The following CCDC7 variants were observed in gnomAD, a reference collection of about 807,000 sequenced individuals.
CCDC7 encodes the protein coiled-coil domain-containing protein 7.
A neutral mutation model predicts 196.9 loss-of-function variants in CCDC7; 183 were observed. That is an observed-to-expected ratio of 0.93 (90% CI 0.82 to 1.05). The LOEUF (loss-of-function observed/expected upper bound fraction) is 1.05. Among genes scored for constraint, CCDC7 ranks in the 50% least tolerant of loss-of-function variants. The pLI is 0.00. For missense variants in CCDC7, 1,540 were observed against 1,482.2 expected, an observed-to-expected ratio of 1.04 and a Z score of -0.64; for synonymous variants, 525 against 484.6, an observed-to-expected ratio of 1.08 and a Z score of -1.10.
chr10:32,683,250 A>G (rs2076064278), intron 21 of CCDC7, among the ~76,000 whole-genome samples: 1 of 152,232 alleles, frequency 6.6e-6, no homozygotes, highest in Admixed American at 6.5e-5. Flanking sequence ...CTGAATAGAA[A>G]GTCCTTTCCC....
At chr10:32,638,049 G>A (rs1759668) in intron 20 of CCDC7, among the ~76,000 whole-genome samples, 140,423 of 152,166 alleles carry the variant, frequency 0.92, 65,802 homozygotes, top group East Asian at 1. Flanking sequence ...ATTGGTGTAT[G>A]AGAATGCTTG....
At chr10:32,618,962 C>G (rs1328900401) in intron 18 of CCDC7, among the ~76,000 whole-genome samples, 2 of 150,294 alleles carry the variant, frequency 1.3e-5, no homozygotes, top group African/African-American at 4.9e-5. Flanking sequence ...TTATTTTTAT[C>G]TGACTGGATT....
chr10:32,824,202 T>G (rs1245985022), intron 31 of CCDC7, among the ~76,000 whole-genome samples: 2 of 152,174 alleles, frequency 1.3e-5, no homozygotes, highest in African/African-American at 4.8e-5. Flanking sequence ...TAAATTTGCA[T>G]ATGAGATTGC....
At chr10:32,638,909 C>A (rs936049153) in intron 20 of CCDC7, among the ~76,000 whole-genome samples, 5 of 152,218 alleles carry the variant, frequency 3.3e-5, no homozygotes, top group Admixed American at 1.3e-4. Context: ...TATTTCAGAG[C>A]CTGTTATTGG....
At chr10:32,777,638 C>T (rs541445295) in intron 28 of CCDC7, among the ~76,000 whole-genome samples, 47 of 152,052 alleles carry the variant, frequency 3.1e-4, no homozygotes, top group African/African-American at 1.1e-3. Context: ...GGGTGGATCA[C>T]TTGAGATCAA....
chr10:32,621,736 G>A (rs560292053), intron 18 of CCDC7, among the ~76,000 whole-genome samples: 15 of 152,172 alleles, frequency 9.9e-5, no homozygotes, highest in Non-Finnish European at 1.9e-4. Context: ...CCAAGGGCAG[G>A]AGAAGATGGA....
chr10:32,840,562 A>G (rs573283453), intron 33 of CCDC7, among the ~76,000 whole-genome samples: 8 of 151,902 alleles, frequency 5.3e-5, no homozygotes, highest in Non-Finnish European at 1.0e-4. Flanking sequence ...TCACGGCTGT[A>G]CTATCTGACA....
intron 13 of CCDC7, among the ~76,000 whole-genome samples, chr10:32,552,684 G>A (rs116981264): frequency 0.016 from 2,473 of 152,234 alleles, 41 homozygotes; most frequent in Middle Eastern, 0.024. Flanking sequence ...ATAATGCTTA[G>A]TTTCGCTAGA....
At chr10:32,809,149 A>G (rs1350275003) in intron 30 of CCDC7, among the ~76,000 whole-genome samples, 2 of 152,230 alleles carry the variant, frequency 1.3e-5, no homozygotes, top group African/African-American at 2.4e-5. Context: ...TGACAGACAC[A>G]TAAGTACACA....
At chr10:32,477,268 A>C (rs1038333618) in intron 8 of CCDC7, among the ~76,000 whole-genome samples, 2 of 151,748 alleles carry the variant, frequency 1.3e-5, no homozygotes, top group Admixed American at 1.3e-4. Context: ...CAATGGTGCA[A>C]TCTCGACCCA....
chr10:32,800,603 A>G (rs2084588988), intron 29 of CCDC7, among the ~76,000 whole-genome samples: 1 of 152,182 alleles, frequency 6.6e-6, no homozygotes, highest in Non-Finnish European at 1.5e-5. Context: ...AGGTCTGATT[A>G]TTTCCCTTTC....
chr10:32,758,575 A>C (rs1184787397), intron 28 of CCDC7, among the ~76,000 whole-genome samples: 1 of 152,162 alleles, frequency 6.6e-6, no homozygotes, highest in African/African-American at 2.4e-5. Flanking sequence ...CTCTCAATAA[A>C]CTAGGTATTG....
At chr10:32,721,491 C>T (rs2082410211) in intron 25 of CCDC7, among the ~76,000 whole-genome samples, 1 of 152,134 alleles carries the variant, frequency 6.6e-6, no homozygotes, top group Admixed American at 6.6e-5. Context: ...TTGGTCAGAA[C>T]ACCACTCAAA....
chr10:32,646,270 T>C (rs999609122), intron 20 of CCDC7, among the ~76,000 whole-genome samples: 1 of 152,080 alleles, frequency 6.6e-6, no homozygotes, highest in Non-Finnish European at 1.5e-5. Context: ...TAAAAAACTT[T>C]CTTTTCTTTG....
intron 9 of CCDC7, among the ~76,000 whole-genome samples, chr10:32,504,115 G>GTTTTTTT (rs748760643): frequency 5.2e-5 from 5 of 96,306 alleles, no homozygotes; most frequent in Non-Finnish European, 5.8e-5. Context: ...TTTATTGCTG[G>GTTTTTTT]TTTTTTTTTT....
intron 29 of CCDC7, among the ~76,000 whole-genome samples, chr10:32,801,985 A>G (rs2084891430): frequency 6.6e-6 from 1 of 152,116 alleles, no homozygotes; most frequent in African/African-American, 2.4e-5. Context: ...TTTCCAATCA[A>G]TGTCCTCACT....
At chr10:32,722,127 A>AT (rs930351416) in intron 25 of CCDC7, among the ~76,000 whole-genome samples, 35 of 152,002 alleles carry the variant, frequency 2.3e-4, no homozygotes, top group Non-Finnish European at 4.0e-4. Context: ...TAGTTCATGG[A>AT]TTTTTTTTGG....
At chr10:32,528,689 T>C (rs537158817) in intron 11 of CCDC7, among the ~76,000 whole-genome samples, 193 of 117,382 alleles carry the variant, frequency 1.6e-3, no homozygotes, top group African/African-American at 4.7e-3. Flanking sequence ...TGCATATATA[T>C]ACACACACAT....
Position 32,478,850 on chromosome 10 carries a change from G to A in CCDC7, c.796+4827G>A, listed in dbSNP as rs118020430. ...GTCAGGAAATGTTCTCTGTGTTTCT[G>A]TCTTCTGGAAGAGATCATAAAGAAT... On this transcript the variant is annotated intron_variant, in intron 8 of 41. Coordinates refer to ENST00000639629, the Ensembl canonical transcript of CCDC7. Among the ~76,000 whole-genome samples the A allele has an allele frequency of 7.3e-3, 1,107 of 152,154 alleles. 7 individuals are homozygous for A. Among genetic ancestry groups the A allele is most frequent in the South Asian group, 0.018 (88 of 4,824 alleles).
Sources: allele counts gnomAD v4.1 joint callset (sites outside exome capture counted in the v4.1 genomes callset), GRCh38; gene constraint gnomAD v4.1.1; transcripts MANE v1.5; gene names NCBI Gene and HGNC (gene_info 2026-07-23, HGNC 2026-07-21).